The following PXYLP1 variants were observed in gnomAD, a reference collection of about 807,000 sequenced individuals.
The protein encoded by PXYLP1 is 2-phosphoxylose phosphatase 1.
In PXYLP1, 17 loss-of-function variants were observed where a neutral mutation model predicts 37.9. The ratio of observed to expected loss-of-function variants is 0.45; its 90% CI spans 0.31 to 0.67. The LOEUF is 0.67. PXYLP1 is among the 30% of genes least tolerant of loss of function. PXYLP1 has a pLI of 0.07. For missense variants in PXYLP1, 511 were observed against 612.0 expected (o/e 0.84, Z 1.74); for synonymous variants, 221 against 232.2 (o/e 0.95, Z 0.44).
chr3:141,268,829 C>T (rs914953394), intron 2 of PXYLP1, among the ~76,000 whole-genome samples: 4 of 152,198 alleles, frequency 2.6e-5, no homozygotes, highest in Non-Finnish European at 2.9e-5. Flanking sequence ...GGGGTGGGCT[C>T]AGGTGGGAAA....
chr3:141,236,714 A>T (rs561613388), intron 1 of PXYLP1, among the ~76,000 whole-genome samples: 2 of 152,212 alleles, frequency 1.3e-5, no homozygotes, highest in Non-Finnish European at 2.9e-5. Context: ...TTAGAATTAA[A>T]CATTTACTGT....
At chr3:141,264,632 A>G (rs1941465110) in intron 2 of PXYLP1, among the ~76,000 whole-genome samples, 1 of 152,180 alleles carries the variant, frequency 6.6e-6, no homozygotes, top group Non-Finnish European at 1.5e-5. Context: ...ACCCTGGAAT[A>G]CCAGGTGCTG....
intron 4 of PXYLP1, among the ~76,000 whole-genome samples, chr3:141,282,627 T>A (rs1254060892): frequency 1.3e-5 from 2 of 152,218 alleles, no homozygotes; most frequent in African/African-American, 2.4e-5. Context: ...CTTAGGACAG[T>A]GACTGACATA....
At chr3:141,256,728 T>C (rs1576585004) in intron 1 of PXYLP1, among the ~76,000 whole-genome samples, 1 of 152,222 alleles carries the variant, frequency 6.6e-6, no homozygotes, top group Non-Finnish European at 1.5e-5. Flanking sequence ...ATCCTGGGAT[T>C]CGGTGTTCCT....
chr3:141,275,296 G>C (rs1299623412), intron 2 of PXYLP1, among the ~76,000 whole-genome samples: 3 of 152,196 alleles, frequency 2.0e-5, no homozygotes, highest in African/African-American at 7.2e-5. Context: ...CAACCACCAT[G>C]GTTCCCAAAT....
In PXYLP1 at chr3:141,293,093, A is replaced by G. The variant is rs1220198663; in HGVS notation, c.1331A>G (p.Lys444Arg). The stretch of plus-strand genomic sequence containing the variant: ...CAAGACCACCACAAGCGTTCTCCCA[A>G]GCCCATGTGCCCGCTTGAAAACTTG... The part of the protein sequence containing the change: ...FCQDHHKRSP[K>R]PMCPLENLVR... The change falls in exon 6 of 6, where the codon AAG becomes AGG. Residue 444 changes from lysine to arginine, a missense_variant. By Grantham distance (26) the Lys-to-Arg change is conservative (BLOSUM62 2). Coordinates refer to ENST00000286353, the MANE Select transcript of PXYLP1 (RefSeq NM_001037172.3). 6.2e-7 allele frequency: 1 copy of G among 1,614,206 alleles called. No homozygotes were observed. Among genetic ancestry groups the G allele is most frequent in the Non-Finnish European group, 8.5e-7 (1 of 1,180,046 alleles).
At chr3:141,245,152 C>T (rs1011051688) in intron 1 of PXYLP1, among the ~76,000 whole-genome samples, 1 of 147,600 alleles carries the variant, frequency 6.8e-6, no homozygotes, top group Non-Finnish European at 1.5e-5. Context: ...CAGGTTCAAG[C>T]AATTCTCCTG....
At chr3:141,258,410 A>G (rs1426707876) in intron 1 of PXYLP1, 1 of 153,186 alleles carries the variant, frequency 6.5e-6, no homozygotes, top group African/African-American at 2.4e-5. Context: ...CATCTTGGGC[A>G]TGGGAGAATG....
At chr3:141,288,691 C>T (rs563351775) in intron 5 of PXYLP1, among the ~76,000 whole-genome samples, 19 of 152,226 alleles carry the variant, frequency 1.2e-4, no homozygotes, top group African/African-American at 3.9e-4. Context: ...CCTGAGGGTT[C>T]GAGAGCAGTC....
intron 4 of PXYLP1, among the ~76,000 whole-genome samples, chr3:141,283,150 T>TA (rs1038158834): frequency 1.1e-4 from 16 of 151,684 alleles, no homozygotes; most frequent in African/African-American, 3.1e-4. Flanking sequence ...TATTTTTTTT[T>TA]TTTTTTATTT....
chr3:141,287,894 G>A (rs530803073), intron 5 of PXYLP1, among the ~76,000 whole-genome samples: 4 of 152,220 alleles, frequency 2.6e-5, no homozygotes, highest in East Asian at 1.9e-4. Context: ...TTATGATAGC[G>A]CCATATTCTT....
At position 141,257,925 on chromosome 3, in the gene PXYLP1, AAGAG is replaced by A. The variant is rs386398092; in HGVS notation, c.-53-2186_-53-2183del. Among the ~76,000 whole-genome samples, 657 of 135,930 alleles carry A rather than the reference AAGAG, an allele frequency of 4.8e-3. 10 individuals are homozygous for A. Among genetic ancestry groups the A allele is most frequent in the African/African-American group, 0.017 (496 of 28,782 alleles). 89.2% of individuals were successfully genotyped at this position (135,930 alleles called of 152,430 possible). ...GTCTCAAAAAAAAAAAAAAAAAAAA[AAGAG>A]AGAGAGAGAGAAAGAAAGAAGAAAA... On this transcript the variant is annotated intron_variant, in intron 1 of 5. Coordinates refer to ENST00000286353, the MANE Select transcript of PXYLP1 (RefSeq NM_001037172.3).
chr3:141,259,162 C>T (rs1941332460), intron 1 of PXYLP1, among the ~76,000 whole-genome samples: 1 of 152,216 alleles, frequency 6.6e-6, no homozygotes, highest in Non-Finnish European at 1.5e-5. Flanking sequence ...ACAGCCCTCA[C>T]ACATTAGCAG....
chr3:141,274,389 AC>A, intron 2 of PXYLP1: 2 of 1,442,918 alleles, frequency 1.4e-6, no homozygotes, highest in Non-Finnish European at 1.8e-6. Context: ...CAGCTTGCTG[AC>A]CCCCATCTGC....
intron 1 of PXYLP1, 190 bp downstream of exon 1, chr3:141,232,101 C>T (rs967006367): frequency 2.6e-5 from 4 of 152,318 alleles, no homozygotes; most frequent in Admixed American, 6.5e-5. Flanking sequence ...GACTAAGCCT[C>T]CTCCTTTATC....
In PXYLP1 at chr3:141,293,641, C is replaced by T. The variant is rs1942284681; in HGVS notation, c.*436C>T. 6.2e-6 allele frequency: 1 copy of T among 161,570 alleles called. No individual in the cohort carries two copies. The highest frequency in any genetic ancestry group is 1.4e-5 in the Non-Finnish European group (1 of 72,678). 10.0% of individuals were successfully genotyped at this position (161,570 alleles called of 1,614,324 possible). Reference sequence around the variant, plus strand: ...GTGATTTATCTAAAATAAAGGTTGGCAAACTTTTTCTGTAAAGGGCCAGAT... The same window carrying T: ...GTGATTTATCTAAAATAAAGGTTGGTAAACTTTTTCTGTAAAGGGCCAGAT... On this transcript the variant is annotated 3_prime_UTR_variant, in exon 6 of 6. Transcript: ENST00000286353.
chr3:141,265,465 A>G (rs1039171277), intron 2 of PXYLP1, among the ~76,000 whole-genome samples: 14 of 151,998 alleles, frequency 9.2e-5, no homozygotes, highest in Admixed American at 9.2e-4. Context: ...AAAATCTAAG[A>G]ACTGCCAATC....
chr3:141,280,521 A>T (rs543659065), intron 4 of PXYLP1, among the ~76,000 whole-genome samples: 2 of 152,350 alleles, frequency 1.3e-5, no homozygotes, highest in South Asian at 4.1e-4. Context: ...TTTAGAAGCC[A>T]CTTTAAATCC....
chr3:141,291,297 T>C lies in PXYLP1; in HGVS notation c.506-971T>C, dbSNP rs77438213. ...GTTACCTCCTACTACAGGATGAGAGTGAGCTTGTTTTTGTCTTGGGTTGCC... is the reference window on the plus strand; with the variant it reads ...GTTACCTCCTACTACAGGATGAGAGCGAGCTTGTTTTTGTCTTGGGTTGCC... On this transcript the variant is annotated intron_variant, in intron 5 of 5. Coordinates refer to ENST00000286353, the MANE Select transcript of PXYLP1 (RefSeq NM_001037172.3). Among the ~76,000 whole-genome samples, 673 of 152,162 alleles carry C rather than the reference T, an allele frequency of 4.4e-3. 7 individuals carry two copies. The highest frequency in any genetic ancestry group is 0.015 in the African/African-American group (618 of 41,506).
Sources: allele counts gnomAD v4.1 joint callset (sites outside exome capture counted in the v4.1 genomes callset), GRCh38; gene constraint gnomAD v4.1.1; transcripts MANE v1.5; gene names NCBI Gene and HGNC (gene_info 2026-07-23, HGNC 2026-07-21).